Variants in CAMK1D observed in about 807,000 individuals in gnomAD.
The protein encoded by CAMK1D is calcium/calmodulin dependent protein kinase ID.
CAMK1D carries 9 observed loss-of-function variants against 47.7 expected under a neutral mutation model. The observed-to-expected ratio is 0.19, with a 90% CI of 0.11 to 0.33. The LOEUF (loss-of-function observed/expected upper bound fraction) is 0.33. CAMK1D is among the 10% of genes least tolerant of loss of function. The pLI is 1.00. For missense variants in CAMK1D, 291 were observed against 488.7 expected (o/e 0.60, Z 3.81); for synonymous variants, 184 against 184.9 (o/e 0.99, Z 0.04).
intron 2 of CAMK1D, among the ~76,000 whole-genome samples, chr10:12,560,531 C>G (rs547545500): frequency 7.7e-6 from 1 of 129,924 alleles, no homozygotes; most frequent in Non-Finnish European, 1.6e-5. Context: ...TCAGCCTGGG[C>G]AACGAGAGGA....
At chr10:12,651,230 G>A (rs1839954948) in intron 2 of CAMK1D, among the ~76,000 whole-genome samples, 2 of 152,120 alleles carry the variant, frequency 1.3e-5, no homozygotes, top group Non-Finnish European at 2.9e-5. Context: ...TGATGAAATA[G>A]CAACTCAAAC....
chr10:12,710,941 A>G (rs1475535160), intron 3 of CAMK1D, among the ~76,000 whole-genome samples: 3 of 152,226 alleles, frequency 2.0e-5, no homozygotes, highest in East Asian at 1.9e-4. Flanking sequence ...TGTTCAGACT[A>G]TATACCATGG....
intron 8 of CAMK1D, 60 bp from the exon 9 acceptor site, chr10:12,824,405 G>C: frequency 6.9e-7 from 1 of 1,441,088 alleles, no homozygotes; most frequent in Admixed American, 1.7e-5. Context: ...CCCCTTTATG[G>C]GACGCAGTGT....
intron 3 of CAMK1D, among the ~76,000 whole-genome samples, chr10:12,709,790 G>A (rs1833868242): frequency 6.6e-6 from 1 of 152,192 alleles, no homozygotes; most frequent in Non-Finnish European, 1.5e-5. Context: ...TTTCTGCTGA[G>A]TTTTGTTACT....
At chr10:12,788,853 G>A (rs768079067) in intron 5 of CAMK1D, among the ~76,000 whole-genome samples, 1 of 152,196 alleles carries the variant, frequency 6.6e-6, no homozygotes, top group African/African-American at 2.4e-5. Context: ...TTTTGCTGCC[G>A]CTTTGAGGGT....
rs1169892448 is a variant in CAMK1D, at chr10:12,761,093, C to A, written c.438+7C>A. On this transcript the variant is annotated splice_region_variant and intron_variant, in intron 4 of 10. Coordinates refer to ENST00000619168, the MANE Select transcript of CAMK1D (RefSeq NM_153498.4). ...CGTCCACAGAGACCTCAAGGTGAGGCCATCGCTCAGCAGCATCCTGCAGCC... is the reference window on the plus strand; with the variant it reads ...CGTCCACAGAGACCTCAAGGTGAGGACATCGCTCAGCAGCATCCTGCAGCC... 1 of 1,612,794 alleles carries A rather than the reference C, an allele frequency of 6.2e-7. No individual in the cohort carries two copies. Among genetic ancestry groups the A allele is most frequent in the Middle Eastern group, 1.7e-4 (1 of 5,962 alleles).
rs546174855 is a variant in CAMK1D, at chr10:12,550,609, C to T, written c.93-2616C>T. The stretch of plus-strand genomic sequence containing the variant: ...CTCCATGTATCCCTCTGTGATAAAC[C>T]TGTGGTGGGTCTTTATGTGTTTATA... On this transcript the variant is annotated intron_variant, in intron 1 of 10. Coordinates refer to ENST00000619168, the MANE Select transcript of CAMK1D (RefSeq NM_153498.4). Among the ~76,000 whole-genome samples the T allele has an allele frequency of 3.2e-3, 492 of 152,298 alleles. 1 individual carries two copies. The highest frequency in any genetic ancestry group is 6.0e-3 in the Non-Finnish European group (408 of 68,028).
At chr10:12,825,339 T>G (rs1445532039) in intron 9 of CAMK1D, among the ~76,000 whole-genome samples, 1 of 150,270 alleles carries the variant, frequency 6.7e-6, no homozygotes, top group African/African-American at 2.4e-5. Flanking sequence ...TATGTATTTA[T>G]GATGTCAGAA....
chr10:12,498,062 G>T (rs1834594656), intron 1 of CAMK1D, among the ~76,000 whole-genome samples: 1 of 152,184 alleles, frequency 6.6e-6, no homozygotes, highest in Non-Finnish European at 1.5e-5. Flanking sequence ...CATGAGAACA[G>T]CATGGGAAAA....
chr10:12,560,328 G>T (rs1385901289), intron 2 of CAMK1D, among the ~76,000 whole-genome samples: 1 of 151,922 alleles, frequency 6.6e-6, no homozygotes, highest in African/African-American at 2.4e-5. Flanking sequence ...CGAGGCGGGC[G>T]GATCACCTGA....
chr10:12,778,259 C>T (rs1176232668), intron 5 of CAMK1D, among the ~76,000 whole-genome samples: 1 of 152,156 alleles, frequency 6.6e-6, no homozygotes, highest in African/African-American at 2.4e-5. Flanking sequence ...AACAATGAAA[C>T]CGAAATTGGT....
intron 1 of CAMK1D, among the ~76,000 whole-genome samples, chr10:12,478,367 T>G (rs1304538772): frequency 1.3e-5 from 2 of 152,108 alleles, no homozygotes. Flanking sequence ...GTTGGTGTGA[T>G]CATGGCTTAC....
chr10:12,599,863 A>G (rs905298611), intron 2 of CAMK1D, among the ~76,000 whole-genome samples: 1 of 152,234 alleles, frequency 6.6e-6, no homozygotes, highest in African/African-American at 2.4e-5. Flanking sequence ...AGGATTGTTA[A>G]ATGCACACAT....
rs192767461 is a variant in CAMK1D, at chr10:12,522,908, C to T, written c.93-30317C>T. 7.0e-5 allele frequency among the ~76,000 whole-genome samples: 6 copies of T among 86,084 alleles called. 1 individual carries two copies. The highest frequency in any genetic ancestry group is 1.4e-4 in the African/African-American group (3 of 22,168). The allele number at this position is 86,084 out of a possible 152,430, so 56.5% of individuals were successfully genotyped here. A position where few individuals can be genotyped will look rare whatever the true frequency, so the allele number is the denominator to read the frequency against. ...CTCCCTCCCGGACGGGGCGGCTGGCCGGGCGGGGGCTGACCCCCCACCTGC... is the reference window on the plus strand; with the variant it reads ...CTCCCTCCCGGACGGGGCGGCTGGCTGGGCGGGGGCTGACCCCCCACCTGC... On this transcript the variant is annotated intron_variant, in intron 1 of 10. Transcript: ENST00000619168.
At chr10:12,805,271 T>A (rs1357494153) in intron 6 of CAMK1D, among the ~76,000 whole-genome samples, 1 of 151,188 alleles carries the variant, frequency 6.6e-6, no homozygotes, top group Non-Finnish European at 1.5e-5. Flanking sequence ...AAAGAAATAC[T>A]AGATATAGCA....
At chr10:12,667,627 A>G (rs1396279996) in intron 3 of CAMK1D, among the ~76,000 whole-genome samples, 2 of 152,266 alleles carry the variant, frequency 1.3e-5, no homozygotes, top group East Asian at 3.8e-4. Flanking sequence ...ATGCTGGAAC[A>G]TCATAAGATT....
intron 6 of CAMK1D, among the ~76,000 whole-genome samples, chr10:12,807,570 C>T (rs2131057452): frequency 6.6e-6 from 1 of 152,344 alleles, no homozygotes; most frequent in South Asian, 2.1e-4. Context: ...GGAGCCGCCT[C>T]TCTGAGCAGG....
At chr10:12,434,747 A>T (rs1447819956) in intron 1 of CAMK1D, among the ~76,000 whole-genome samples, 1 of 152,234 alleles carries the variant, frequency 6.6e-6, no homozygotes, top group Non-Finnish European at 1.5e-5. Context: ...TTCACCGGGT[A>T]ATGCTTCCCA....
At chr10:12,527,807 A>G (rs1424981741) in intron 1 of CAMK1D, among the ~76,000 whole-genome samples, 1 of 152,186 alleles carries the variant, frequency 6.6e-6, no homozygotes, top group Non-Finnish European at 1.5e-5. Flanking sequence ...GCAGAACCTC[A>G]AATAGTTGGT....
Sources: gnomAD v4.1 joint callset for allele counts (sites outside exome capture counted in the v4.1 genomes callset) on GRCh38, gnomAD v4.1.1 for gene constraint, MANE v1.5 for transcripts, NCBI Gene and HGNC (gene_info 2026-07-23, HGNC 2026-07-21) for gene names.